Variants in DCLK1 observed in about 807,000 individuals in gnomAD.
DCLK1 encodes doublecortin like kinase 1.
A neutral mutation model predicts 86.2 loss-of-function variants in DCLK1; 16 were observed. The ratio of observed to expected loss-of-function variants is 0.19; its 90% CI spans 0.13 to 0.28. The LOEUF is 0.28. DCLK1 is among the 10% of genes least tolerant of loss of function. DCLK1 has a pLI of 1.00. For missense variants in DCLK1, 590 were observed against 940.2 expected (o/e 0.63, Z 4.87); for synonymous variants, 369 against 370.5 (o/e 1.00, Z 0.05).
In DCLK1 at chr13:36,077,343, T is replaced by C. The variant is rs143360556; in HGVS notation, c.723+34526A>G. ...CTACTCATTATGTTACCTTATGTCA[T>C]TTGGATTCAAAAAGTTCTCAGAAAT... On this transcript the variant is annotated intron_variant, in intron 3 of 16. Coordinates refer to ENST00000360631, the MANE Select transcript of DCLK1 (RefSeq NM_001330071.2). 5.0e-3 allele frequency among the ~76,000 whole-genome samples: 765 copies of C among 152,324 alleles called. 4 individuals are homozygous for C. Among genetic ancestry groups the C allele is most frequent in the Admixed American group, 9.0e-3 (137 of 15,292 alleles).
At chr13:36,090,864 C>T (rs910715591) in intron 3 of DCLK1, among the ~76,000 whole-genome samples, 8 of 152,114 alleles carry the variant, frequency 5.3e-5, no homozygotes, top group Non-Finnish European at 1.0e-4. Flanking sequence ...CTACCCCACT[C>T]CACCCCATGC....
chr13:35,803,429 G>A (rs2086962697), intron 15 of DCLK1, among the ~76,000 whole-genome samples: 1 of 152,192 alleles, frequency 6.6e-6, no homozygotes, highest in South Asian at 2.1e-4. Flanking sequence ...ATTTTTGCAT[G>A]TCTGTACACC....
chr13:35,794,382 G>T (rs1246030078), intron 15 of DCLK1, among the ~76,000 whole-genome samples: 1 of 151,228 alleles, frequency 6.6e-6, no homozygotes, highest in African/African-American at 2.5e-5. Flanking sequence ...GAAACTCCTG[G>T]CAATCACTTC....
chr13:35,968,908 G>A (rs1878919929), intron 3 of DCLK1, among the ~76,000 whole-genome samples: 2 of 152,290 alleles, frequency 1.3e-5, no homozygotes, highest in South Asian at 4.1e-4. Context: ...CCAACCCATG[G>A]CATTCTCCCA....
intron 4 of DCLK1, among the ~76,000 whole-genome samples, chr13:35,945,217 A>G (rs1877308320): frequency 6.6e-6 from 1 of 152,144 alleles, no homozygotes; most frequent in East Asian, 1.9e-4. Flanking sequence ...ATTGAGAAAT[A>G]ATTCTAAGGG....
chr13:35,901,360 G>A (rs902988910), intron 4 of DCLK1, among the ~76,000 whole-genome samples: 3 of 151,826 alleles, frequency 2.0e-5, no homozygotes, highest in African/African-American at 7.3e-5. Context: ...TATGGTGGCA[G>A]GTGCCTGTAG....
intron 3 of DCLK1, among the ~76,000 whole-genome samples, chr13:35,956,711 A>AAAAAC (rs1382511725): frequency 6.6e-6 from 1 of 151,644 alleles, no homozygotes; most frequent in Non-Finnish European, 1.5e-5. Context: ...AAGGCTGGGG[A>AAAAAC]AAAACAAAAC....
intron 3 of DCLK1, among the ~76,000 whole-genome samples, chr13:36,040,462 C>A (rs1882662869): frequency 1.3e-5 from 2 of 150,180 alleles, no homozygotes; most frequent in African/African-American, 4.9e-5. Flanking sequence ...AGGAAGACTA[C>A]AGGGGTAAAG....
chr13:36,022,578 G>C lies in DCLK1; in HGVS notation c.724-75121C>G, dbSNP rs560934780. ...CAAAATACTAAGATGAAGAGTAAAA[G>C]AGGGGTCATCACTTTTGACCTTGCA... On this transcript the variant is annotated intron_variant, in intron 3 of 16. Transcript: ENST00000360631. Among the ~76,000 whole-genome samples the C allele has an allele frequency of 4.6e-5, 7 of 152,110 alleles. No individual in the cohort carries two copies. In the South Asian group the frequency reaches 1.0e-3, roughly 23 times the overall value.
At chr13:35,897,591 C>T (rs934225857) in intron 4 of DCLK1, among the ~76,000 whole-genome samples, 3 of 152,118 alleles carry the variant, frequency 2.0e-5, no homozygotes, top group Admixed American at 2.0e-4. Flanking sequence ...GTTTATCAAA[C>T]CATAGGAAGA....
intron 3 of DCLK1, among the ~76,000 whole-genome samples, chr13:36,043,170 A>G (rs888197353): frequency 6.6e-6 from 1 of 152,178 alleles, no homozygotes; most frequent in Non-Finnish European, 1.5e-5. Flanking sequence ...AGCATTTAAA[A>G]TGGGAAAATA....
At chr13:36,030,927 C>T (rs914525356) in intron 3 of DCLK1, among the ~76,000 whole-genome samples, 12 of 152,234 alleles carry the variant, frequency 7.9e-5, no homozygotes, top group African/African-American at 1.9e-4. Flanking sequence ...CAGACCTCTG[C>T]GTCTTGGGAG....
At chr13:35,880,352 G>A (rs2153116382) in intron 4 of DCLK1, among the ~76,000 whole-genome samples, 1 of 152,302 alleles carries the variant, frequency 6.6e-6, no homozygotes. Context: ...CCCGAGTGTT[G>A]CAGAAGGGCC....
At position 35,904,654 on chromosome 13, in the gene DCLK1, G is replaced by A. The variant is rs933958755; in HGVS notation, c.824-33314C>T. 7.2e-5 allele frequency among the ~76,000 whole-genome samples: 11 copies of A among 152,220 alleles called. No individual in the cohort carries two copies. The East Asian group carries it at 2.1e-3, about 29-fold the overall frequency. ...CTTCCCTTTTGCCTTTAGGAAAGAA[G>A]GGCTGGACAACGATGGAGAGTCCTT... On this transcript the variant is annotated intron_variant, in intron 4 of 16. Transcript: ENST00000360631.
At chr13:35,783,152 T>C (rs1467222701) in intron 16 of DCLK1, among the ~76,000 whole-genome samples, 2 of 152,264 alleles carry the variant, frequency 1.3e-5, no homozygotes, top group South Asian at 2.1e-4. Flanking sequence ...ACAAGAAATA[T>C]AAACATATAC....
intron 4 of DCLK1, among the ~76,000 whole-genome samples, chr13:35,885,053 A>G (rs1361834168): frequency 1.3e-5 from 2 of 152,122 alleles, no homozygotes; most frequent in Non-Finnish European, 2.9e-5. Context: ...AGGGGCTCCT[A>G]TATAAAGGAA....
At chr13:36,118,039 G>C (rs561686175) in intron 2 of DCLK1, among the ~76,000 whole-genome samples, 3 of 151,968 alleles carry the variant, frequency 2.0e-5, no homozygotes, top group Non-Finnish European at 4.4e-5. Context: ...ATGCTCTGTT[G>C]CACAGTACAG....
intron 16 of DCLK1, among the ~76,000 whole-genome samples, chr13:35,783,795 A>G (rs2086572566): frequency 6.6e-6 from 1 of 152,092 alleles, no homozygotes; most frequent in African/African-American, 2.4e-5. Flanking sequence ...CATGTTGGCC[A>G]GGCTAGTCTT....
At chr13:35,953,731 G>A (rs977937985) in intron 3 of DCLK1, among the ~76,000 whole-genome samples, 2 of 152,166 alleles carry the variant, frequency 1.3e-5, no homozygotes, top group East Asian at 3.9e-4. Flanking sequence ...AAGCAGGACC[G>A]TGGAATCCAT....
Sources: gnomAD v4.1 joint callset for allele counts (sites outside exome capture counted in the v4.1 genomes callset) on GRCh38, gnomAD v4.1.1 for gene constraint, MANE v1.5 for transcripts, NCBI Gene and HGNC (gene_info 2026-07-23, HGNC 2026-07-21) for gene names.